Variants in MCC observed in about 807,000 individuals in gnomAD.
The protein encoded by MCC is MCC regulator of Wnt signaling pathway, also known as colorectal mutant cancer protein.
Under a neutral mutation model 116.2 loss-of-function variants are expected in MCC, and 90 were observed. The ratio of observed to expected loss-of-function variants is 0.77; its 90% CI spans 0.65 to 0.92. MCC has a LOEUF of 0.92. MCC is among the 40% of genes least tolerant of loss of function. The pLI is 0.00. For missense variants in MCC, 1,516 were observed against 1,312.2 expected (o/e 1.16, Z -2.40); for synonymous variants, 578 against 510.5 (o/e 1.13, Z -1.78).
chr5:113,051,234 G>C (rs1443804291), intron 15 of MCC, among the ~76,000 whole-genome samples: 2 of 152,158 alleles, frequency 1.3e-5, no homozygotes, highest in East Asian at 3.8e-4. Flanking sequence ...GGATGAGCTG[G>C]TGCTTGCATT....
chr5:113,189,122 G>C (rs1278996432), intron 3 of MCC, among the ~76,000 whole-genome samples: 1 of 152,160 alleles, frequency 6.6e-6, no homozygotes, highest in Non-Finnish European at 1.5e-5. Flanking sequence ...CCTCAGACTT[G>C]CTTCAAGCCC....
chr5:113,228,218 T>C (rs76740012), intron 3 of MCC, among the ~76,000 whole-genome samples: 5 of 152,290 alleles, frequency 3.3e-5, no homozygotes, highest in African/African-American at 1.2e-4. Context: ...TGTTGAGGCA[T>C]GGTTTCTAAT....
In MCC at chr5:113,413,089, G is replaced by A. The variant is rs547415466; in HGVS notation, c.171-27877C>T. Among the ~76,000 whole-genome samples the A allele has an allele frequency of 3.3e-5, 5 of 152,260 alleles. No homozygotes were observed. The South Asian group carries it at 1.0e-3, about 32-fold the overall frequency. On this transcript the variant is annotated intron_variant, in intron 1 of 18. Coordinates refer to ENST00000408903, the MANE Select transcript of MCC (RefSeq NM_001085377.2). ...GGATTACGTTGATTGATTTGCGTACGTTGAACCAGCCTTGCATCCCAGGGA... is the reference window on the plus strand; with the variant it reads ...GGATTACGTTGATTGATTTGCGTACATTGAACCAGCCTTGCATCCCAGGGA...
chr5:113,236,077 T>C (rs1561476431), intron 3 of MCC, among the ~76,000 whole-genome samples: 1 of 152,208 alleles, frequency 6.6e-6, no homozygotes, highest in Admixed American at 6.5e-5. Flanking sequence ...GAAGAGTAAA[T>C]TCTATGACAG....
chr5:113,086,302 G>A (rs1171688146), intron 8 of MCC, among the ~76,000 whole-genome samples: 1 of 149,690 alleles, frequency 6.7e-6, no homozygotes, highest in Non-Finnish European at 1.5e-5. Context: ...GTGGTGATAT[G>A]CCTGGGGGGT....
At position 113,080,924 on chromosome 5, in the gene MCC, T is replaced by C. The variant is rs542512058; in HGVS notation, c.1784+1936A>G. On this transcript the variant is annotated intron_variant, in intron 11 of 18. Transcript: ENST00000408903. ...TCTTATCATCTTATTTGTTTTCTCT[T>C]TGGTCTATTTTCCCTAACAGAATAT... Among the ~76,000 whole-genome samples the C allele has an allele frequency of 3.4e-3, 511 of 152,322 alleles. 3 individuals are homozygous for C. Among genetic ancestry groups the C allele is most frequent in the African/African-American group, 0.012 (495 of 41,570 alleles).
intron 8 of MCC, among the ~76,000 whole-genome samples, chr5:113,087,066 T>C (rs1396143973): frequency 1.3e-5 from 2 of 152,144 alleles, no homozygotes; most frequent in Non-Finnish European, 2.9e-5. Flanking sequence ...CATGCCCCGG[T>C]GCCAGCCCTG....
At chr5:113,151,503 C>A in intron 3 of MCC, 81 bp from the exon 4 acceptor site, 3 of 727,354 alleles carry the variant, frequency 4.1e-6, no homozygotes, top group Admixed American at 2.9e-5. Flanking sequence ...CTAGTATAAC[C>A]AAATAAAAAG....
intron 1 of MCC, among the ~76,000 whole-genome samples, chr5:113,417,482 T>C (rs1485239445): frequency 6.6e-6 from 1 of 152,152 alleles, no homozygotes; most frequent in African/African-American, 2.4e-5. Context: ...TGTGCACCAG[T>C]GCAGCAAAGG....
chr5:113,105,328 T>G (rs1319486632), intron 6 of MCC, among the ~76,000 whole-genome samples: 1 of 152,234 alleles, frequency 6.6e-6, no homozygotes, highest in Non-Finnish European at 1.5e-5. Flanking sequence ...AATGGTTAAC[T>G]GCTTTTGGGA....
At chr5:113,034,366 G>A (rs867889606) in intron 17 of MCC, among the ~76,000 whole-genome samples, 39 of 152,354 alleles carry the variant, frequency 2.6e-4, no homozygotes, top group Middle Eastern at 6.8e-3. Context: ...GTGCTTGTTG[G>A]TGTACCTGGG....
At chr5:113,276,160 T>C (rs1411558441) in intron 3 of MCC, among the ~76,000 whole-genome samples, 1 of 152,042 alleles carries the variant, frequency 6.6e-6, no homozygotes, top group East Asian at 1.9e-4. Flanking sequence ...GCCTTCCTCC[T>C]TGCCCCACAC....
chr5:113,362,029 T>G (rs1338739374), intron 2 of MCC, among the ~76,000 whole-genome samples: 1 of 152,226 alleles, frequency 6.6e-6, no homozygotes, highest in African/African-American at 2.4e-5. Flanking sequence ...TCAGACTCCA[T>G]GAACACATGA....
intron 15 of MCC, among the ~76,000 whole-genome samples, chr5:113,051,519 G>A (rs1752489245): frequency 6.6e-6 from 1 of 152,190 alleles, no homozygotes; most frequent in Non-Finnish European, 1.5e-5. Context: ...AGGAGTTTGA[G>A]ACTGGCCTGG....
At chr5:113,404,606 T>C (rs1769781533) in intron 1 of MCC, among the ~76,000 whole-genome samples, 1 of 152,240 alleles carries the variant, frequency 6.6e-6, no homozygotes, top group African/African-American at 2.4e-5. Context: ...TCTAGAAATG[T>C]ATCCTAGGGA....
At chr5:113,030,578 G>A (rs992227841) in intron 17 of MCC, among the ~76,000 whole-genome samples, 4 of 152,124 alleles carry the variant, frequency 2.6e-5, no homozygotes, top group African/African-American at 9.7e-5. Context: ...TACTCAGGAG[G>A]CTAAGTTGGG....
chr5:113,486,828 C>A (rs1330714005), intron 1 of MCC, among the ~76,000 whole-genome samples: 3 of 131,180 alleles, frequency 2.3e-5, no homozygotes, highest in Admixed American at 8.5e-5. Flanking sequence ...GGTGATAGAG[C>A]GAGATTCTGT....
chr5:113,245,612 G>C (rs575288539), intron 3 of MCC, among the ~76,000 whole-genome samples: 245 of 152,154 alleles, frequency 1.6e-3, no homozygotes, highest in Admixed American at 2.8e-3. Context: ...CAAAACTCCT[G>C]GTGATTAATT....
intron 3 of MCC, among the ~76,000 whole-genome samples, chr5:113,169,344 C>G (rs1760945920): frequency 6.6e-6 from 1 of 151,986 alleles, no homozygotes; most frequent in East Asian, 1.9e-4. Context: ...TTTTAAAAGT[C>G]TTTTTGAAAG....
Sources: gnomAD v4.1 joint callset for allele counts (sites outside exome capture counted in the v4.1 genomes callset) on GRCh38, gnomAD v4.1.1 for gene constraint, MANE v1.5 for transcripts, NCBI Gene and HGNC (gene_info 2026-07-23, HGNC 2026-07-21) for gene names.